The following ACAD11 variants were observed in gnomAD, a reference collection of about 807,000 sequenced individuals.
ACAD11 encodes acyl-CoA dehydrogenase family member 11, also known as acyl-Coenzyme A dehydrogenase family, member 11.
In ACAD11, 83 loss-of-function variants were observed where a neutral mutation model predicts 102.2. The ratio of observed to expected loss-of-function variants is 0.81; its 90% CI spans 0.68 to 0.97. The LOEUF is 0.97. ACAD11 is among the 50% of genes least tolerant of loss of function. ACAD11 has a pLI of 0.00. For missense variants in ACAD11, 901 were observed against 951.7 expected (o/e 0.95, Z 0.70); for synonymous variants, 324 against 319.8 (o/e 1.01, Z -0.14).
At chr3:132,659,463 C>T (rs941548725) in intron 1 of ACAD11, 140 bp downstream of exon 1, 2 of 1,230,108 alleles carry the variant, frequency 1.6e-6, no homozygotes, top group South Asian at 3.0e-5. Flanking sequence ...GCAATAGCAG[C>T]TCATGCCTGT....
rs140190064 is a variant in ACAD11 at position 132,642,762 on chromosome 3, A to G, written c.290T>C (p.Ile97Thr). ...TATAGGCTTGGGAACGGGGAATCCAATTGAAAACAAGGCTTTCTGGACTTT... is the reference window on the plus strand; with the variant it reads ...TATAGGCTTGGGAACGGGGAATCCAGTTGAAAACAAGGCTTTCTGGACTTT... ...EFKVQKALFSIGFPVPKPILY... is the reference protein window; with the variant it reads ...EFKVQKALFSTGFPVPKPILY... Residue 97 changes from isoleucine (I) to threonine (T), a missense_variant, in exon 3 of 20, where the codon ATT (isoleucine) becomes ACT (threonine). By Grantham distance (89) the Ile-to-Thr change is moderately conservative. Coordinates refer to ENST00000264990, the MANE Select transcript of ACAD11 (RefSeq NM_032169.5). 294 of 1,613,210 alleles carry G rather than the reference A, an allele frequency of 1.8e-4. No homozygotes were observed. The highest frequency in any genetic ancestry group is 2.3e-4 in the Non-Finnish European group (271 of 1,179,688).
chr3:132,617,608 T>C (rs1403921291), intron 11 of ACAD11, among the ~76,000 whole-genome samples: 1 of 152,168 alleles, frequency 6.6e-6, no homozygotes, highest in Non-Finnish European at 1.5e-5. Flanking sequence ...CCACTGACTC[T>C]CTGCTTCCCT....
intron 9 of ACAD11, among the ~76,000 whole-genome samples, chr3:132,625,450 G>C (rs1331703065): frequency 2.6e-5 from 4 of 152,060 alleles, no homozygotes; most frequent in African/African-American, 9.7e-5. Flanking sequence ...TAACCTAAAA[G>C]TGTTGCATTC....
intron 17 of ACAD11, among the ~76,000 whole-genome samples, chr3:132,574,875 G>A (rs558116309): frequency 1.6e-4 from 25 of 152,072 alleles, no homozygotes; most frequent in Middle Eastern, 6.8e-3. Flanking sequence ...TCGCTCTGTC[G>A]CCAGGCTGGA....
intron 11 of ACAD11, among the ~76,000 whole-genome samples, chr3:132,610,925 G>C (rs1056737378): frequency 2.5e-4 from 38 of 152,088 alleles, no homozygotes; most frequent in Admixed American, 2.5e-3. Context: ...AATAAAAAAA[G>C]AGAATTTTAG....
At chr3:132,564,578 C>T (rs914543060) in intron 17 of ACAD11, among the ~76,000 whole-genome samples, 1 of 152,076 alleles carries the variant, frequency 6.6e-6, no homozygotes, top group Non-Finnish European at 1.5e-5. Flanking sequence ...CGTGTGGGTC[C>T]CAAGTCCTAG....
chr3:132,579,404 C>T, intron 14 of ACAD11, 88 bp downstream of exon 14: 2 of 1,067,110 alleles, frequency 1.9e-6, no homozygotes, highest in African/African-American at 1.6e-5. Context: ...TTTGTGAGTC[C>T]AAACAGTGAA....
intron 17 of ACAD11, among the ~76,000 whole-genome samples, 180 bp downstream of exon 17, chr3:132,575,592 T>G (rs957764605): frequency 6.6e-6 from 1 of 152,196 alleles, no homozygotes; most frequent in Non-Finnish European, 1.5e-5. Context: ...AACTATTTAA[T>G]TTTTCATAAA....
At chr3:132,563,503 A>G (rs958607752) in intron 17 of ACAD11, among the ~76,000 whole-genome samples, 2 of 152,144 alleles carry the variant, frequency 1.3e-5, no homozygotes, top group African/African-American at 2.4e-5. Flanking sequence ...TGGATATTGT[A>G]CGTGTTTTGG....
At chr3:132,613,342 G>A (rs954544391) in intron 11 of ACAD11, among the ~76,000 whole-genome samples, 6 of 151,696 alleles carry the variant, frequency 4.0e-5, no homozygotes, top group East Asian at 1.9e-4. Context: ...AAACCTGCAC[G>A]TTGTAGACAT....
intron 11 of ACAD11, among the ~76,000 whole-genome samples, chr3:132,607,279 G>A (rs990056602): frequency 7.2e-5 from 11 of 152,150 alleles, no homozygotes; most frequent in African/African-American, 2.7e-4. Flanking sequence ...TGAGTTTGAC[G>A]AATTGACAGA....
intron 11 of ACAD11, among the ~76,000 whole-genome samples, chr3:132,611,549 C>T (rs1389327641): frequency 6.6e-6 from 1 of 152,098 alleles, no homozygotes; most frequent in African/African-American, 2.4e-5. Context: ...AATCAATGTG[C>T]AAAAATCACA....
intron 11 of ACAD11, among the ~76,000 whole-genome samples, chr3:132,613,282 C>T (rs905326932): frequency 1.3e-5 from 2 of 151,522 alleles, no homozygotes; most frequent in Admixed American, 6.6e-5. Context: ...TGCTAAATGA[C>T]GAGTTAATGG....
chr3:132,642,467 C>A (rs949280459), intron 3 of ACAD11, among the ~76,000 whole-genome samples: 2 of 152,150 alleles, frequency 1.3e-5, no homozygotes, highest in Non-Finnish European at 2.9e-5. Flanking sequence ...GTCAATACCC[C>A]CTAATTACTA....
chr3:132,624,326 G>T (rs924247463), intron 9 of ACAD11, among the ~76,000 whole-genome samples: 6 of 149,896 alleles, frequency 4.0e-5, no homozygotes, highest in Admixed American at 2.0e-4. Flanking sequence ...AAAAAAAAAG[G>T]CCGGGCGTGG....
At chr3:132,621,274 A>T (rs1939597637) in intron 9 of ACAD11, 1 of 152,204 alleles carries the variant, frequency 6.6e-6, no homozygotes, top group South Asian at 2.1e-4. Flanking sequence ...GCAGTAGGGC[A>T]GTGCATCAGT....
chr3:132,559,020 G>T lies in ACAD11; in HGVS notation c.2294C>A (p.Ala765Glu). Residue 765 changes from alanine (A) to glutamate (E), a missense_variant, in exon 20 of 20, where the codon GCA (alanine) becomes GAA (glutamate). Physicochemically the swap from Ala to Glu is moderately radical, Grantham distance 107. Coordinates refer to ENST00000264990, the MANE Select transcript of ACAD11 (RefSeq NM_032169.5). ...GPDEVHLSAI[A>E]TMELRDQAKR... ...GGCTTGGTCCCGCAGCTCCATTGTT[G>T]CGATTGCTGAAAGATGAACTTCGTC... The T allele has an allele frequency of 6.2e-7, 1 of 1,613,740 alleles. No homozygotes were observed. The highest frequency in any genetic ancestry group is 8.5e-7 in the Non-Finnish European group (1 of 1,179,822).
At chr3:132,591,848 T>C (rs149103809) in intron 13 of ACAD11, among the ~76,000 whole-genome samples, 2 of 152,278 alleles carry the variant, frequency 1.3e-5, no homozygotes, top group African/African-American at 4.8e-5. Flanking sequence ...GCCGTGATCA[T>C]GCCACTGCAT....
At chr3:132,591,753 C>T (rs1028073887) in intron 13 of ACAD11, among the ~76,000 whole-genome samples, 5 of 152,010 alleles carry the variant, frequency 3.3e-5, no homozygotes, top group Non-Finnish European at 7.4e-5. Flanking sequence ...TCACCAAGCA[C>T]GGTGCAGCAC....
Sources: gnomAD v4.1 joint callset for allele counts (sites outside exome capture counted in the v4.1 genomes callset) on GRCh38, gnomAD v4.1.1 for gene constraint, MANE v1.5 for transcripts, NCBI Gene and HGNC (gene_info 2026-07-23, HGNC 2026-07-21) for gene names.